Variants in LIX1 observed in about 807,000 individuals in gnomAD.
LIX1 encodes the protein limb and CNS expressed 1.
LIX1 carries 24 observed loss-of-function variants against 33.4 expected under a neutral mutation model. The observed-to-expected ratio is 0.72, with a 90% CI of 0.52 to 1.01. LIX1 has a LOEUF of 1.01. Ranked by LOEUF, LIX1 falls within the 50% of genes least tolerant of loss-of-function variation. The pLI is 0.00. For synonymous variants in LIX1, 124 were observed against 124.0 expected (o/e 1.00, Z 0.00); for missense variants, 311 against 339.2 (o/e 0.92, Z 0.65).
At chr5:97,107,304 A>G (rs746261676) in intron 3 of LIX1, 56 bp downstream of exon 3, 175 of 1,532,574 alleles carry the variant, frequency 1.1e-4, no homozygotes, top group South Asian at 5.8e-4. Flanking sequence ...CTCAAGATTC[A>G]AATGCTTCAG....
At chr5:97,141,998 T>G (rs904374894) in intron 1 of LIX1, among the ~76,000 whole-genome samples, 10 of 152,254 alleles carry the variant, frequency 6.6e-5, no homozygotes, top group African/African-American at 2.4e-4. Context: ...TAAAGCATTA[T>G]AATCTGTTAT....
Position 97,124,550 on chromosome 5 carries a change from C to T in LIX1, c.162G>A (p.Val54=), listed in dbSNP as rs1378511326. ...CAGGAGCTGGCAGTGACTCATAGAC[C>T]ACCACACCTTCACTTGGGAATGCAG... ...QKAAFPSEGV[V]VYESLPAPGP... is the part of the protein sequence containing the mutation. Residue 54 remains valine, a synonymous_variant, in exon 2 of 6, where the codon GTG becomes GTA. Transcript: ENST00000274382. 31 of 1,612,264 alleles carry T rather than the reference C, an allele frequency of 1.9e-5. No homozygotes were observed. The highest frequency in any genetic ancestry group is 2.5e-5 in the Non-Finnish European group (30 of 1,178,960).
At chr5:97,097,754 A>T (rs762460199) in intron 4 of LIX1, among the ~76,000 whole-genome samples, 1 of 152,228 alleles carries the variant, frequency 6.6e-6, no homozygotes, top group Non-Finnish European at 1.5e-5. Context: ...CATTAGGCTT[A>T]ATAGATCAAA....
chr5:97,132,910 G>C (rs1297130545), intron 1 of LIX1, among the ~76,000 whole-genome samples: 1 of 152,218 alleles, frequency 6.6e-6, no homozygotes, highest in East Asian at 1.9e-4. Flanking sequence ...AGCCTGGAAG[G>C]AGATGAAGCC....
chr5:97,105,937 C>T (rs774768081), intron 3 of LIX1, among the ~76,000 whole-genome samples: 3 of 152,144 alleles, frequency 2.0e-5, no homozygotes, highest in Non-Finnish European at 2.9e-5. Context: ...ATCCTATGGA[C>T]GCGGATTCCC....
rs1467449764 is a variant in LIX1 at position 97,107,848 on chromosome 5, A to T, written c.247-348T>A. Among the ~76,000 whole-genome samples the T allele has an allele frequency of 2.0e-5, 3 of 152,058 alleles. No homozygotes were observed. The East Asian group carries it at 5.8e-4, about 29-fold the overall frequency. The stretch of plus-strand genomic sequence containing the variant: ...TATTCATTATCAGGGCCTTCCTCAA[A>T]TCCCTATTTCAGAAAAAAAATGTAA... On this transcript the variant is annotated intron_variant, in intron 2 of 5. Coordinates refer to ENST00000274382, the MANE Select transcript of LIX1 (RefSeq NM_153234.5).
chr5:97,109,038 G>A (rs552726277), intron 2 of LIX1, among the ~76,000 whole-genome samples: 11 of 152,094 alleles, frequency 7.2e-5, no homozygotes, highest in African/African-American at 2.2e-4. Context: ...TCCCGGGAAC[G>A]CTCCAGACTT....
intron 4 of LIX1, among the ~76,000 whole-genome samples, chr5:97,100,549 C>G (rs895969097): frequency 4.6e-5 from 7 of 151,846 alleles, no homozygotes; most frequent in Non-Finnish European, 1.0e-4. Flanking sequence ...TCTTTATTTC[C>G]CCTCATAAGA....
At chr5:97,100,303 C>T (rs534778582) in intron 4 of LIX1, among the ~76,000 whole-genome samples, 106 of 152,316 alleles carry the variant, frequency 7.0e-4, no homozygotes, top group African/African-American at 2.4e-3. Context: ...CTCCTCACCA[C>T]CTCTGGTTTG....
chr5:97,132,333 AT>A, intron 1 of LIX1, among the ~76,000 whole-genome samples: 1 of 152,360 alleles, frequency 6.6e-6, no homozygotes, highest in South Asian at 2.1e-4. Flanking sequence ...TTAAAGTGAC[AT>A]GTAAAATGTA....
At chr5:97,121,508 C>T (rs1747785194) in intron 2 of LIX1, among the ~76,000 whole-genome samples, 1 of 152,022 alleles carries the variant, frequency 6.6e-6, no homozygotes, top group Non-Finnish European at 1.5e-5. Flanking sequence ...TTAGTTATTC[C>T]TTACTAATTT....
At chr5:97,122,269 T>G (rs1249261909) in intron 2 of LIX1, among the ~76,000 whole-genome samples, 2 of 152,226 alleles carry the variant, frequency 1.3e-5, no homozygotes, top group Non-Finnish European at 2.9e-5. Flanking sequence ...TCTTTGCATT[T>G]GTTCATGTGA....
chr5:97,097,514 G>C (rs1002665784), intron 4 of LIX1, among the ~76,000 whole-genome samples: 3 of 152,160 alleles, frequency 2.0e-5, no homozygotes, highest in African/African-American at 7.2e-5. Flanking sequence ...AGATACAAAA[G>C]GATCTGGTAA....
At chr5:97,132,578 A>T (rs972343501) in intron 1 of LIX1, among the ~76,000 whole-genome samples, 2 of 152,186 alleles carry the variant, frequency 1.3e-5, no homozygotes, top group African/African-American at 4.8e-5. Context: ...GACAAGAGAC[A>T]GGGTGAGAGG....
intron 1 of LIX1, among the ~76,000 whole-genome samples, chr5:97,128,493 C>T (rs1173782897): frequency 6.6e-6 from 1 of 152,066 alleles, no homozygotes; most frequent in African/African-American, 2.4e-5. Flanking sequence ...ATGATAGAAC[C>T]CACCATAATA....
Position 97,094,889 on chromosome 5 carries a change from C to T in LIX1, c.708G>A (p.Arg236=), listed in dbSNP as rs147242178. 1.1e-3 allele frequency: 1,817 copies of T among 1,614,198 alleles called. 7 individuals are homozygous for T. Among genetic ancestry groups the T allele is most frequent in the East Asian group, 3.2e-3 (145 of 44,880 alleles). The change falls in exon 6 of 6, where the codon AGG becomes AGA. Residue 236 remains arginine, a synonymous_variant. Transcript: ENST00000274382. ...RMALRQLEEA[R]KAGQELRFYK... ...AAAACCGTAGTTCTTGTCCTGCTTT[C>T]CTGGCTTCCTCCAACTGCCTCAGGG...
At chr5:97,126,405 A>C (rs1046786813) in intron 1 of LIX1, among the ~76,000 whole-genome samples, 6 of 152,186 alleles carry the variant, frequency 3.9e-5, no homozygotes, top group Non-Finnish European at 8.8e-5. Context: ...TTCATGGTGT[A>C]TAGTTCAGGC....
intron 4 of LIX1, 113 bp downstream of exon 4, chr5:97,105,077 A>G: frequency 1.0e-6 from 1 of 977,620 alleles, no homozygotes; most frequent in Non-Finnish European, 1.6e-6. Context: ...AATGACCAAA[A>G]ACACTTAAGA....
rs36039071 is a variant in LIX1 at position 97,103,971 on chromosome 5, G to GA, written c.483+1218dup. Among the ~76,000 whole-genome samples, 923 of 107,408 alleles carry GA rather than the reference G, an allele frequency of 8.6e-3. 2 individuals are homozygous for GA. Among genetic ancestry groups the GA allele is most frequent in the Non-Finnish European group, 0.014 (676 of 47,240 alleles). 70.5% of individuals were successfully genotyped at this position (107,408 alleles called of 152,430 possible). A position where few individuals can be genotyped will look rare whatever the true frequency, so the allele number is the denominator to read the frequency against. On this transcript the variant is annotated intron_variant, in intron 4 of 5. Coordinates refer to ENST00000274382, the MANE Select transcript of LIX1 (RefSeq NM_153234.5). Reference sequence around the variant, plus strand: ...CAGAGCTAGACTCCGTCTCAAAAAAGAAAAAAAAAAAAAAAAAGAAAAACT... The same window carrying GA: ...CAGAGCTAGACTCCGTCTCAAAAAAGAAAAAAAAAAAAAAAAAAGAAAAACT...
Sources: gnomAD v4.1 joint callset for allele counts (sites outside exome capture counted in the v4.1 genomes callset) on GRCh38, gnomAD v4.1.1 for gene constraint, MANE v1.5 for transcripts, NCBI Gene and HGNC (gene_info 2026-07-23, HGNC 2026-07-21) for gene names.